The following ABHD4 variants were observed in gnomAD, a reference collection of about 807,000 sequenced individuals.
ABHD4 encodes abhydrolase domain containing 4, N-acyl phospholipase B, also known as (Lyso)-N-acylphosphatidylethanolamine lipase.
Under a neutral mutation model 42.3 loss-of-function variants are expected in ABHD4, and 35 were observed. The observed-to-expected ratio is 0.83, with a 90% CI of 0.63 to 1.10. The LOEUF (loss-of-function observed/expected upper bound fraction) is 1.10. Among genes scored for constraint, ABHD4 ranks in the 50% least tolerant of loss-of-function variants. The pLI, the probability that ABHD4 is intolerant of heterozygous loss-of-function variation, is 0.00. For synonymous variants in ABHD4, 169 were observed against 170.6 expected, an observed-to-expected ratio of 0.99 and a Z score of 0.07; for missense variants, 389 against 454.8, an observed-to-expected ratio of 0.86 and a Z score of 1.32.
At chr14:22,599,842 A>C (rs2037262003) in intron 1 of ABHD4, among the ~76,000 whole-genome samples, 1 of 152,190 alleles carries the variant, frequency 6.6e-6, no homozygotes, top group African/African-American at 2.4e-5. Context: ...AGAATATTAA[A>C]AGGATTCTGA....
rs572661344 is a variant in ABHD4 at position 22,612,168 on chromosome 14, C to T, written c.*1220C>T. 2.0e-4 allele frequency: 31 copies of T among 152,816 alleles called. No homozygotes were observed. The highest frequency in any genetic ancestry group is 6.7e-4 in the African/African-American group (28 of 41,572). 9.5% of individuals were successfully genotyped at this position (152,816 alleles called of 1,614,324 possible). On this transcript the variant is annotated 3_prime_UTR_variant, in exon 7 of 7. Coordinates refer to ENST00000428304, the MANE Select transcript of ABHD4 (RefSeq NM_022060.3). ...CCCTGACCCATCTGTCAGCTTTTTC[C>T]CAGGGAGCCGTTTCAGGGGTTCTGG...
chr14:22,604,177 A>C, intron 4 of ABHD4, 98 bp downstream of exon 4: 1 of 1,386,756 alleles, frequency 7.2e-7, no homozygotes, highest in Non-Finnish European at 1.0e-6. Flanking sequence ...AAATTGGCCT[A>C]GCCTTGTTAT....
intron 4 of ABHD4, chr14:22,605,674 A>C (rs535131939): frequency 2.2e-6 from 1 of 455,540 alleles, no homozygotes; most frequent in East Asian, 7.0e-5. Context: ...TAGTTGGGGA[A>C]GTTGGCCAGC....
Position 22,604,000 on chromosome 14 carries a change from C to T in ABHD4, c.561C>T (p.Pro187=), listed in dbSNP as rs540141952. 5 of 1,614,206 alleles carry T rather than the reference C, an allele frequency of 3.1e-6. No individual in the cohort carries two copies. In the Admixed American group the frequency reaches 6.7e-5, roughly 22 times the overall value. The change falls in exon 4 of 7, where the codon CCC becomes CCT. Residue 187 remains proline (P), a synonymous_variant. Coordinates refer to ENST00000428304, the MANE Select transcript of ABHD4 (RefSeq NM_022060.3). ...RPTNPSEIRA[P]PAWVKAVASV... Reference sequence around the variant, plus strand: ...CTAACCCCAGTGAGATCCGTGCACCCCCAGCCTGGGTCAAAGCCGTGGCAT... The same window carrying T: ...CTAACCCCAGTGAGATCCGTGCACCTCCAGCCTGGGTCAAAGCCGTGGCAT...
Position 22,607,661 on chromosome 14 carries a change from C to G in ABHD4, c.752+1128C>G, listed in dbSNP as rs1048479827. ...CTGTCTTCCTGCCGTTGGCCCTTCT[C>G]TCAGCCCCCATGGGCTCAGTGCCTG... is the stretch of plus-strand genomic sequence containing the variant. On this transcript the variant is annotated intron_variant, in intron 5 of 6. Coordinates refer to ENST00000428304, the MANE Select transcript of ABHD4 (RefSeq NM_022060.3). Among the ~76,000 whole-genome samples the G allele has an allele frequency of 2.0e-5, 3 of 152,228 alleles. No individual in the cohort carries two copies. In the South Asian group the frequency reaches 6.2e-4, roughly 32 times the overall value.
chr14:22,610,834 A>ACCCC, intron 6 of ABHD4, 25 bp from the exon 7 acceptor site: 2 of 1,596,084 alleles, frequency 1.3e-6, no homozygotes, highest in Non-Finnish European at 8.6e-7. Context: ...AGGCCATCCC[A>ACCCC]CCCCTGCGGG....
At chr14:22,599,815 C>T (rs1287134486) in intron 1 of ABHD4, among the ~76,000 whole-genome samples, 1 of 152,128 alleles carries the variant, frequency 6.6e-6, no homozygotes, top group Non-Finnish European at 1.5e-5. Context: ...TGCTTCAAGC[C>T]TACAAGGAAT....
At chr14:22,604,974 T>A (rs1319300333) in intron 4 of ABHD4, among the ~76,000 whole-genome samples, 1 of 152,200 alleles carries the variant, frequency 6.6e-6, no homozygotes, top group African/African-American at 2.4e-5. Context: ...CCCATCCCTG[T>A]GGTTCACCCA....
chr14:22,610,970 G>T lies in ABHD4; in HGVS notation c.*22G>T, dbSNP rs539775476. The stretch of plus-strand genomic sequence containing the variant: ...TTGAGCTGCTCTCTGAAGAGGAAGA[G>T]GAGAAAGCCAGAGAGTCACTCTTAC... On this transcript the variant is annotated 3_prime_UTR_variant, in exon 7 of 7. Coordinates refer to ENST00000428304, the MANE Select transcript of ABHD4 (RefSeq NM_022060.3). 1.1e-5 allele frequency: 18 copies of T among 1,608,172 alleles called. No individual in the cohort carries two copies. Among genetic ancestry groups the T allele is most frequent in the Non-Finnish European group, 1.4e-5 (16 of 1,174,976 alleles).
intron 6 of ABHD4, 61 bp downstream of exon 6, chr14:22,609,971 G>T: frequency 1.3e-6 from 2 of 1,531,706 alleles, no homozygotes; most frequent in Middle Eastern, 1.7e-4. Context: ...TCTCAGCCTT[G>T]GGGTAGAGAA....
At position 22,603,610 on chromosome 14, in the gene ABHD4, A is replaced by G. The variant is rs764562228; in HGVS notation, c.333A>G (p.Pro111=). The G allele has an allele frequency of 2.5e-5, 40 of 1,614,096 alleles. No individual in the cohort carries two copies. Among genetic ancestry groups the G allele is most frequent in the Non-Finnish European group, 3.2e-5 (38 of 1,180,044 alleles). The part of the protein sequence containing the change: ...DLLGFGRSSR[P]AFPRDPEGAE... ...TTGGCTTCGGGCGAAGCTCAAGGCC[A>G]GCATTCCCAAGGGACCCGGAGGGGG... The change falls in exon 3 of 7, where the codon CCA becomes CCG. Residue 111 remains proline, a synonymous_variant. Transcript: ENST00000428304.
rs959431005 is a variant in ABHD4 at position 22,611,099 on chromosome 14, G to T, written c.*151G>T. 5 of 694,032 alleles carry T rather than the reference G, an allele frequency of 7.2e-6. No individual in the cohort carries two copies. The highest frequency in any genetic ancestry group is 1.3e-5 in the Non-Finnish European group (5 of 395,944). The allele number at this position is 694,032 out of a possible 1,614,324, so 43.0% of individuals were successfully genotyped here. On this transcript the variant is annotated 3_prime_UTR_variant, in exon 7 of 7. Coordinates refer to ENST00000428304, the MANE Select transcript of ABHD4 (RefSeq NM_022060.3). ...TCCCAGAACAGGACGACAGTGAAAA[G>T]AACACTCTTGACCCTACACTGAAGG...
intron 5 of ABHD4, 100 bp from the exon 6 acceptor site, chr14:22,609,624 C>A: frequency 7.6e-7 from 1 of 1,317,542 alleles, no homozygotes; most frequent in Non-Finnish European, 1.1e-6. Context: ...GGGGCTTTGA[C>A]AGGAATACAA....
chr14:22,611,337 G>A lies in ABHD4; in HGVS notation c.*389G>A, dbSNP rs959252904. ...GGCCTTTCCTCACTCTGTAGTGTTTGTGGGGATAGGTTCCATGCAAGAACA... is the reference window on the plus strand; with the variant it reads ...GGCCTTTCCTCACTCTGTAGTGTTTATGGGGATAGGTTCCATGCAAGAACA... On this transcript the variant is annotated 3_prime_UTR_variant, in exon 7 of 7. Transcript: ENST00000428304. 2.0e-5 allele frequency: 4 copies of A among 201,568 alleles called. No individual in the cohort carries two copies. The highest frequency in any genetic ancestry group is 6.9e-5 in the African/African-American group (3 of 43,722). 12.5% of individuals were successfully genotyped at this position (201,568 alleles called of 1,614,324 possible). A position where few individuals can be genotyped will look rare whatever the true frequency, so the allele number is the denominator to read the frequency against.
intron 1 of ABHD4, 47 bp from the exon 2 acceptor site, chr14:22,601,620 G>A (rs1174899286): frequency 2.4e-5 from 37 of 1,551,662 alleles, no homozygotes; most frequent in Non-Finnish European, 3.2e-5. Flanking sequence ...GAGCATCAAT[G>A]TTTCTTTCCA....
chr14:22,598,461 C>CG lies in ABHD4; in HGVS notation c.23+138dup, dbSNP rs1036136237. 1.3e-5 allele frequency: 20 copies of CG among 1,540,556 alleles called. No individual in the cohort carries two copies. In the Middle Eastern group the frequency reaches 1.2e-3, roughly 90 times the overall value. ...TTTCCAGGTCGGCCTCCGGGGAGGG[C>CG]GGGGGGTGGGTGCGTTGCTTGCTTT... On this transcript the variant is annotated intron_variant, in intron 1 of 6. Transcript: ENST00000428304.
At position 22,604,084 on chromosome 14, in the gene ABHD4, G is replaced by A. The variant is rs746316066; in HGVS notation, c.640+5G>A. ...TTCGAGTAGCTGGGCCCTGGGGTGA[G>A]TAGCCTGTAGTATCTCCTTAAAGGA... On this transcript the variant is annotated splice_donor_5th_base_variant and intron_variant, in intron 4 of 6. Coordinates refer to ENST00000428304, the MANE Select transcript of ABHD4 (RefSeq NM_022060.3). 1 of 1,614,024 alleles carries A rather than the reference G, an allele frequency of 6.2e-7. No individual in the cohort carries two copies. Among genetic ancestry groups the A allele is most frequent in the South Asian group, 1.1e-5 (1 of 91,082 alleles).
At position 22,612,807 on chromosome 14, in the gene ABHD4, A is replaced by C. The variant is rs2037429505; in HGVS notation, c.*1859A>C. 1 of 152,132 alleles carries C rather than the reference A, an allele frequency of 6.6e-6. No homozygotes were observed. Among genetic ancestry groups the C allele is most frequent in the African/African-American group, 2.4e-5 (1 of 41,440 alleles). The allele number at this position is 152,132 out of a possible 1,614,324, so 9.4% of individuals were successfully genotyped here. A position where few individuals can be genotyped will look rare whatever the true frequency, so the allele number is the denominator to read the frequency against. On this transcript the variant is annotated 3_prime_UTR_variant, in exon 7 of 7. Transcript: ENST00000428304. ...CTAGACTCGGACCCCTCTGTTCTGC[A>C]TCTCTGTGGCATATCATCTGCCCCT...
chr14:22,600,831 G>GGGTGT (rs1425183297), intron 1 of ABHD4, among the ~76,000 whole-genome samples: 12 of 65,224 alleles, frequency 1.8e-4, no homozygotes, highest in East Asian at 1.5e-3. Context: ...CCAGCAGGGG[G>GGGTGT]GTGTGTGTGT....
Sources: gnomAD v4.1 joint callset for allele counts (sites outside exome capture counted in the v4.1 genomes callset) on GRCh38, gnomAD v4.1.1 for gene constraint, MANE v1.5 for transcripts, NCBI Gene and HGNC (gene_info 2026-07-23, HGNC 2026-07-21) for gene names.